Variants in HIP1 observed in about 807,000 individuals in gnomAD.
The protein encoded by HIP1 is huntingtin interacting protein 1, also known as huntingtin-interacting protein 1.
In HIP1, 65 loss-of-function variants were observed where a neutral mutation model predicts 147.6. The ratio of observed to expected loss-of-function variants is 0.44; its 90% CI spans 0.36 to 0.54. The LOEUF (loss-of-function observed/expected upper bound fraction) is 0.54. Ranked by LOEUF, HIP1 falls within the 20% of genes least tolerant of loss-of-function variation. The pLI is 0.00. For missense variants in HIP1, 1,061 were observed against 1,299.6 expected (o/e 0.82, Z 2.82); for synonymous variants, 479 against 504.0 (o/e 0.95, Z 0.67).
chr7:75,616,789 G>T (rs1400189958), intron 1 of HIP1, among the ~76,000 whole-genome samples: 2 of 152,310 alleles, frequency 1.3e-5, no homozygotes, highest in East Asian at 3.9e-4. Context: ...ATCACTTTGG[G>T]GTAAGGCATG....
At chr7:75,621,250 T>C (rs1797837501) in intron 1 of HIP1, among the ~76,000 whole-genome samples, 1 of 151,858 alleles carries the variant, frequency 6.6e-6, no homozygotes, top group Non-Finnish European at 1.5e-5. Flanking sequence ...GGTACACACC[T>C]GGGGGAAGAG....
chr7:75,731,647 C>T (rs1801841586), intron 1 of HIP1, among the ~76,000 whole-genome samples: 1 of 152,056 alleles, frequency 6.6e-6, no homozygotes, highest in Admixed American at 6.6e-5. Context: ...AGGTTCAAGG[C>T]TCAGGGTGCT....
intron 1 of HIP1, among the ~76,000 whole-genome samples, chr7:75,656,174 A>G (rs1413496473): frequency 2.0e-5 from 3 of 152,026 alleles, no homozygotes; most frequent in African/African-American, 7.2e-5. Context: ...TGTTATATGT[A>G]TTTTACCCCA....
intron 1 of HIP1, among the ~76,000 whole-genome samples, chr7:75,607,970 T>C (rs927975514): frequency 1.3e-5 from 2 of 152,108 alleles, no homozygotes; most frequent in Non-Finnish European, 2.9e-5. Flanking sequence ...CTAAACTCAC[T>C]GGCACAAGGG....
At chr7:75,682,054 A>T (rs1217678861) in intron 1 of HIP1, among the ~76,000 whole-genome samples, 4 of 103,224 alleles carry the variant, frequency 3.9e-5, no homozygotes, top group East Asian at 3.1e-4. Context: ...TTTGAGGCAG[A>T]GTCTTGCTCT....
chr7:75,685,988 C>T (rs1554517554), intron 1 of HIP1, among the ~76,000 whole-genome samples: 1 of 151,778 alleles, frequency 6.6e-6, no homozygotes, highest in Admixed American at 6.6e-5. Flanking sequence ...CTCCACTTCT[C>T]AGGCTCAAGC....
At chr7:75,581,427 C>G (rs1379501108) in intron 6 of HIP1, 129 bp from the exon 7 acceptor site, 1 of 678,994 alleles carries the variant, frequency 1.5e-6, no homozygotes, top group Non-Finnish European at 2.6e-6. Context: ...ACACACAACT[C>G]CAGCTCCAAG....
chr7:75,544,954 C>T, intron 26 of HIP1, 134 bp downstream of exon 26: 3 of 753,876 alleles, frequency 4.0e-6, no homozygotes, highest in Non-Finnish European at 2.3e-6. Context: ...CCCTTGTAAA[C>T]TCGGTCCTAT....
At chr7:75,640,782 T>A (rs1179334464) in intron 1 of HIP1, among the ~76,000 whole-genome samples, 1 of 139,178 alleles carries the variant, frequency 7.2e-6, no homozygotes, top group Non-Finnish European at 1.5e-5. Flanking sequence ...ATAATAATAA[T>A]AATAAATAAT....
chr7:75,632,417 T>G (rs1482071991), intron 1 of HIP1, among the ~76,000 whole-genome samples: 1 of 152,144 alleles, frequency 6.6e-6, no homozygotes, highest in African/African-American at 2.4e-5. Flanking sequence ...CTAAGCAATT[T>G]TTTTTAGAGA....
At chr7:75,602,182 G>A (rs1242224313) in intron 1 of HIP1, among the ~76,000 whole-genome samples, 1 of 150,922 alleles carries the variant, frequency 6.6e-6, no homozygotes, top group Non-Finnish European at 1.5e-5. Flanking sequence ...TATATTTTTA[G>A]TAGAGACAGG....
At chr7:75,627,373 AG>A (rs1798082079) in intron 1 of HIP1, among the ~76,000 whole-genome samples, 2 of 152,280 alleles carry the variant, frequency 1.3e-5, no homozygotes, top group African/African-American at 4.8e-5. Flanking sequence ...TATAGAATAA[AG>A]AACCCAGTAA....
chr7:75,702,231 C>A (rs1331356495), intron 1 of HIP1, among the ~76,000 whole-genome samples: 2 of 152,146 alleles, frequency 1.3e-5, no homozygotes, highest in African/African-American at 2.4e-5. Flanking sequence ...CTGCCTCAGC[C>A]TCCCGAGTAG....
chr7:75,541,785 C>T lies in HIP1; in HGVS notation c.2952+134G>A, dbSNP rs1794331301. On this transcript the variant is annotated intron_variant, in intron 29 of 30. Coordinates refer to ENST00000336926, the MANE Select transcript of HIP1 (RefSeq NM_005338.7). ...TCTCTACCTCCACTGTTTCTTCCGG[C>T]AAGATTTACATTCAGTCTTGGGTTA... The T allele has an allele frequency of 9.7e-6, 6 of 616,976 alleles. No homozygotes were observed. In the Admixed American group the frequency reaches 1.1e-4, roughly 11 times the overall value. 38.2% of individuals were successfully genotyped at this position (616,976 alleles called of 1,614,324 possible). A position where few individuals can be genotyped will look rare whatever the true frequency, so the allele number is the denominator to read the frequency against.
intron 1 of HIP1, among the ~76,000 whole-genome samples, chr7:75,631,125 T>A (rs1271017979): frequency 1.3e-5 from 2 of 149,456 alleles, no homozygotes; most frequent in South Asian, 2.1e-4. Flanking sequence ...CAAACCCAGA[T>A]AATTTGTTTT....
intron 1 of HIP1, among the ~76,000 whole-genome samples, chr7:75,642,005 C>G (rs746332442): frequency 6.6e-6 from 1 of 152,148 alleles, no homozygotes; most frequent in African/African-American, 2.4e-5. Context: ...ATAAGACTTT[C>G]GACAACAGCC....
chr7:75,666,288 C>T (rs1799558375), intron 1 of HIP1, among the ~76,000 whole-genome samples: 1 of 151,960 alleles, frequency 6.6e-6, no homozygotes, highest in South Asian at 2.1e-4. Flanking sequence ...CCTGCCTCAG[C>T]CTCCCAAGTA....
chr7:75,583,756 T>TTGTGTGTGTGTGTGTGTGTGTG (rs60640180), intron 5 of HIP1, among the ~76,000 whole-genome samples: 2 of 115,518 alleles, frequency 1.7e-5, no homozygotes, highest in African/African-American at 6.8e-5. Flanking sequence ...GCGGGCTAAT[T>TTGTGTGTGTGTGTGTGTGTGTG]TGTGTGTGTG....
chr7:75,595,255 C>CTTTCTTTCTTTCTTTCTTTTT (rs1491555852), intron 2 of HIP1, among the ~76,000 whole-genome samples: 3 of 68,312 alleles, frequency 4.4e-5, no homozygotes, highest in African/African-American at 1.4e-4. Flanking sequence ...TTTCTTTCTT[C>CTTTCTTTCTTTCTTTCTTTTT]CTTCCTTCCT....
Sources: gnomAD v4.1 joint callset for allele counts (sites outside exome capture counted in the v4.1 genomes callset) on GRCh38, gnomAD v4.1.1 for gene constraint, MANE v1.5 for transcripts, NCBI Gene and HGNC (gene_info 2026-07-23, HGNC 2026-07-21) for gene names.